Variants in CBFA2T2 observed in about 807,000 individuals in gnomAD.
CBFA2T2 encodes the protein CBFA2/RUNX1 partner transcriptional co-repressor 2.
A neutral mutation model predicts 62.2 loss-of-function variants in CBFA2T2; 11 were observed. That is an observed-to-expected ratio of 0.18 (90% confidence interval 0.11 to 0.29). The LOEUF is 0.29. CBFA2T2 is among the 10% of genes least tolerant of loss of function. The pLI is 1.00. For synonymous variants in CBFA2T2, 295 were observed against 287.5 expected, an observed-to-expected ratio of 1.03 and a Z score of -0.27; for missense variants, 592 against 774.1, an observed-to-expected ratio of 0.76 and a Z score of 2.79.
chr20:33,627,785 A>T (rs2016297480), intron 6 of CBFA2T2, among the ~76,000 whole-genome samples: 1 of 152,216 alleles, frequency 6.6e-6, no homozygotes, highest in South Asian at 2.1e-4. Flanking sequence ...TTAATGACTC[A>T]AAGACTAAGC....
chr20:33,556,128 A>G (rs188303930), intron 1 of CBFA2T2, among the ~76,000 whole-genome samples: 6 of 152,266 alleles, frequency 3.9e-5, no homozygotes, highest in East Asian at 3.9e-4. Context: ...TGGCCTCCCA[A>G]AGTTTTGGGA....
rs202015182 is a variant in CBFA2T2 at position 33,564,255 on chromosome 20, CTTTT to C, written c.35-42699_35-42696del. ...TTCTTGAGGTGGAGGGGACTTTTTTCTTTTTCTTTCTTTTTTTTTTTTTTCCGAG... is the reference window on the plus strand; with the variant it reads ...TTCTTGAGGTGGAGGGGACTTTTTTCTCTTTCTTTTTTTTTTTTTTCCGAG... On this transcript the variant is annotated intron_variant, in intron 1 of 10. Coordinates refer to ENST00000342704, the MANE Select transcript of CBFA2T2 (RefSeq NM_001032999.3). Among the ~76,000 whole-genome samples the C allele has an allele frequency of 3.8e-3, 557 of 146,694 alleles. 5 individuals carry two copies. The highest frequency in any genetic ancestry group is 0.013 in the African/African-American group (532 of 39,664).
chr20:33,584,110 G>C (rs1229720194), intron 1 of CBFA2T2, among the ~76,000 whole-genome samples: 2 of 151,806 alleles, frequency 1.3e-5, no homozygotes, highest in African/African-American at 4.8e-5. Flanking sequence ...ACTACACTCA[G>C]CTAACTTTTT....
intron 7 of CBFA2T2, among the ~76,000 whole-genome samples, chr20:33,628,926 C>T (rs1306068108): frequency 2.0e-5 from 3 of 152,212 alleles, no homozygotes; most frequent in Non-Finnish European, 4.4e-5. Context: ...GGGATGATCA[C>T]TTCAGGTCAG....
At chr20:33,634,759 G>A (rs2016579005) in intron 8 of CBFA2T2, among the ~76,000 whole-genome samples, 1 of 150,628 alleles carries the variant, frequency 6.6e-6, no homozygotes. Context: ...ACTGCCTCTA[G>A]TTAAGTCCAT....
intron 1 of CBFA2T2, among the ~76,000 whole-genome samples, chr20:33,572,022 C>T (rs966805683): frequency 6.6e-6 from 1 of 152,210 alleles, no homozygotes; most frequent in Non-Finnish European, 1.5e-5. Context: ...TCCAGAGTAG[C>T]TGGGACTACA....
intron 6 of CBFA2T2, among the ~76,000 whole-genome samples, chr20:33,627,401 G>A (rs1367455309): frequency 6.6e-6 from 1 of 151,844 alleles, no homozygotes. Flanking sequence ...GTCAAGGGGG[G>A]GGAAAAAAAC....
At chr20:33,528,661 A>G (rs545562788) in intron 1 of CBFA2T2, among the ~76,000 whole-genome samples, 29 of 150,668 alleles carry the variant, frequency 1.9e-4, no homozygotes, top group Non-Finnish European at 4.0e-4. Context: ...ATATACATGT[A>G]ACTATGTTAA....
chr20:33,554,255 C>CTT (rs760696196), intron 1 of CBFA2T2, among the ~76,000 whole-genome samples: 6 of 131,968 alleles, frequency 4.5e-5, no homozygotes, highest in South Asian at 2.5e-4. Context: ...TTACTTTTTT[C>CTT]TTTTTTTTTT....
At chr20:33,544,514 T>C (rs2012482384) in intron 1 of CBFA2T2, among the ~76,000 whole-genome samples, 2 of 152,118 alleles carry the variant, frequency 1.3e-5, no homozygotes, top group Non-Finnish European at 2.9e-5. Flanking sequence ...AGACAGGGAA[T>C]CTTGTCTATT....
rs544377252 is a variant in CBFA2T2 at position 33,538,368 on chromosome 20, T to C, written c.34+48067T>C. 3.3e-5 allele frequency among the ~76,000 whole-genome samples: 5 copies of C among 152,200 alleles called. No homozygotes were observed. The South Asian group carries it at 1.0e-3, about 32-fold the overall frequency. ...TGGGGAGATTCCATTGGATTTTCTT[T>C]TTTCTTTTTCCTTTTTTTTTTGAGA... On this transcript the variant is annotated intron_variant, in intron 1 of 10. Coordinates refer to ENST00000342704, the MANE Select transcript of CBFA2T2 (RefSeq NM_001032999.3).
At chr20:33,603,022 A>G (rs1002911948) in intron 1 of CBFA2T2, among the ~76,000 whole-genome samples, 6 of 152,200 alleles carry the variant, frequency 3.9e-5, no homozygotes, top group African/African-American at 1.2e-4. Context: ...ATTTCATCAC[A>G]CTATTCAGTA....
intron 1 of CBFA2T2, among the ~76,000 whole-genome samples, chr20:33,588,704 T>C (rs1367844236): frequency 1.3e-5 from 2 of 152,134 alleles, no homozygotes; most frequent in Non-Finnish European, 2.9e-5. Flanking sequence ...CCCAGCACTT[T>C]GGGAAGCTGA....
chr20:33,498,758 A>G (rs2011232854), intron 1 of CBFA2T2, among the ~76,000 whole-genome samples: 1 of 151,518 alleles, frequency 6.6e-6, no homozygotes, highest in Admixed American at 6.6e-5. Context: ...AAAAAATAAT[A>G]ATGGCCAGGC....
chr20:33,513,770 C>T (rs1396345154), intron 1 of CBFA2T2, among the ~76,000 whole-genome samples: 6 of 137,078 alleles, frequency 4.4e-5, no homozygotes, highest in South Asian at 4.6e-4. Context: ...GCCAAGATTG[C>T]GCAACTGCGC....
At chr20:33,520,688 T>C (rs1428157321) in intron 1 of CBFA2T2, among the ~76,000 whole-genome samples, 2 of 152,052 alleles carry the variant, frequency 1.3e-5, no homozygotes, top group Non-Finnish European at 2.9e-5. Context: ...GAGAATTGCT[T>C]GGACCTGGGA....
intron 1 of CBFA2T2, among the ~76,000 whole-genome samples, chr20:33,554,559 T>C (rs2012834658): frequency 7.1e-6 from 1 of 140,496 alleles, no homozygotes; most frequent in Non-Finnish European, 1.5e-5. Context: ...TATTTTTCTT[T>C]TTTCTTTTCT....
intron 1 of CBFA2T2, among the ~76,000 whole-genome samples, chr20:33,600,182 G>GTTTTTTTTTTTTTTTT (rs1183371343): frequency 3.2e-5 from 2 of 62,048 alleles, no homozygotes; most frequent in Non-Finnish European, 6.1e-5. Flanking sequence ...CTTTTGGAAA[G>GTTTTTTTTTTTTTTTT]TTTTTTTTTT....
At chr20:33,508,380 C>T (rs1173850278) in intron 1 of CBFA2T2, among the ~76,000 whole-genome samples, 3 of 152,126 alleles carry the variant, frequency 2.0e-5, no homozygotes, top group Non-Finnish European at 2.9e-5. Flanking sequence ...CAGGTGTGAG[C>T]TACTGCACCC....
Sources: allele counts gnomAD v4.1 joint callset (sites outside exome capture counted in the v4.1 genomes callset), GRCh38; gene constraint gnomAD v4.1.1; transcripts MANE v1.5; gene names NCBI Gene and HGNC (gene_info 2026-07-23, HGNC 2026-07-21).